The following ADAMTS19 variants were observed in gnomAD, a reference collection of about 807,000 sequenced individuals.
ADAMTS19 encodes A disintegrin and metalloproteinase with thrombospondin motifs 19.
Under a neutral mutation model 153.3 loss-of-function variants are expected in ADAMTS19, and 93 were observed. The ratio of observed to expected loss-of-function variants is 0.61; its 90% CI spans 0.51 to 0.72. The LOEUF (loss-of-function observed/expected upper bound fraction) is 0.72. Ranked by LOEUF, ADAMTS19 falls within the 30% of genes least tolerant of loss-of-function variation. The probability of loss-of-function intolerance (pLI) is 0.00; values close to 1 mark genes in which losing one functional copy is unlikely to be tolerated. For synonymous variants in ADAMTS19, 600 were observed against 556.6 expected (o/e 1.08, Z -1.10); for missense variants, 1,482 against 1,552.1 (o/e 0.95, Z 0.76).
intron 7 of ADAMTS19, among the ~76,000 whole-genome samples, chr5:129,592,503 T>C (rs1002752204): frequency 6.6e-6 from 1 of 152,174 alleles, no homozygotes. Context: ...ACGTGGGTTA[T>C]TGAACTGAAA....
rs968938801 is a variant in ADAMTS19, at chr5:129,527,819, C to A, written c.1158C>A (p.Leu386=). Residue 386 remains leucine (L), a synonymous_variant, in exon 5 of 23, where the codon CTC becomes CTA. Coordinates refer to ENST00000274487, the MANE Select transcript of ADAMTS19 (RefSeq NM_133638.6). The stretch of plus-strand genomic sequence containing the variant: ...TTCGTGTGATAAAGCTTATTCTGCT[C>A]CATGAAACTCCAGTAAGAAAGTCTT... The part of the protein sequence containing the change: ...VNLRVIKLIL[L]HETPPELYIG... 1.3e-6 allele frequency: 2 copies of A among 1,584,404 alleles called. No homozygotes were observed. Among genetic ancestry groups the A allele is most frequent in the African/African-American group, 1.3e-5 (1 of 74,236 alleles).
intron 9 of ADAMTS19, 22 bp downstream of exon 9, chr5:129,620,780 T>C (rs544936617): frequency 6.2e-7 from 1 of 1,608,584 alleles, no homozygotes; most frequent in African/African-American, 1.3e-5. Flanking sequence ...ACTTATTGTT[T>C]TTGCCTTGTG....
In ADAMTS19 at chr5:129,610,462, C is replaced by T. The variant is rs888077654; in HGVS notation, c.1479-10156C>T. ...CCCTCTACCCACCCCACAATAGTCC[C>T]CAGTGTGTGATGTTCCCCTTCCTGT... On this transcript the variant is annotated intron_variant, in intron 8 of 22. Coordinates refer to ENST00000274487, the MANE Select transcript of ADAMTS19 (RefSeq NM_133638.6). Among the ~76,000 whole-genome samples the T allele has an allele frequency of 3.9e-5, 6 of 152,120 alleles. No individual in the cohort carries two copies. The East Asian group carries it at 5.8e-4, about 15-fold the overall frequency.
At chr5:129,593,969 T>TATATATATATAATATATATATATA (rs1178078090) in intron 7 of ADAMTS19, among the ~76,000 whole-genome samples, 1 of 152,170 alleles carries the variant, frequency 6.6e-6, no homozygotes, top group Non-Finnish European at 1.5e-5. Flanking sequence ...TCAAATAATG[T>TATATATATATAATATATATATATA]TGCCTCCTTC....
At chr5:129,674,602 TTTAAC>T (rs1754473860) in intron 16 of ADAMTS19, among the ~76,000 whole-genome samples, 1 of 152,184 alleles carries the variant, frequency 6.6e-6, no homozygotes, top group South Asian at 2.1e-4. Flanking sequence ...AGTATGTATT[TTTAAC>T]TTATTACAGC....
chr5:129,596,243 T>C (rs535628812), intron 7 of ADAMTS19, among the ~76,000 whole-genome samples: 54 of 152,240 alleles, frequency 3.5e-4, no homozygotes, highest in Non-Finnish European at 6.3e-4. Context: ...TTCCAAGTTA[T>C]AACTATTCAT....
At chr5:129,733,454 A>G (rs192452983) in intron 21 of ADAMTS19, among the ~76,000 whole-genome samples, 1 of 151,720 alleles carries the variant, frequency 6.6e-6, no homozygotes, top group East Asian at 1.9e-4. Context: ...CAAACAACTC[A>G]ACAAACAAAA....
intron 7 of ADAMTS19, among the ~76,000 whole-genome samples, chr5:129,594,373 T>C (rs528545940): frequency 3.5e-4 from 53 of 152,234 alleles, no homozygotes; most frequent in African/African-American, 1.3e-3. Flanking sequence ...GTGGTGGGAC[T>C]GTTCTAGCTG....
At chr5:129,623,316 T>C (rs1446170158) in intron 10 of ADAMTS19, among the ~76,000 whole-genome samples, 2 of 151,946 alleles carry the variant, frequency 1.3e-5, no homozygotes, top group South Asian at 2.1e-4. Flanking sequence ...CTAGTAACCT[T>C]TTTTTTTCTT....
chr5:129,713,352 G>C (rs940050678), intron 21 of ADAMTS19, among the ~76,000 whole-genome samples: 2 of 152,180 alleles, frequency 1.3e-5, no homozygotes, highest in Non-Finnish European at 2.9e-5. Context: ...ACTATCCAGA[G>C]ATAGACATAA....
intron 15 of ADAMTS19, among the ~76,000 whole-genome samples, chr5:129,662,996 G>A (rs1205118278): frequency 6.8e-6 from 1 of 147,294 alleles, no homozygotes; most frequent in Non-Finnish European, 1.5e-5. Flanking sequence ...CCGGGTTCAA[G>A]CGGTTCTTCT....
At chr5:129,533,337 C>A (rs943235984) in intron 6 of ADAMTS19, among the ~76,000 whole-genome samples, 1 of 152,076 alleles carries the variant, frequency 6.6e-6, no homozygotes, top group Non-Finnish European at 1.5e-5. Context: ...ATTCACCAAT[C>A]TTCTCATTTA....
chr5:129,666,150 T>C (rs1163623511), intron 16 of ADAMTS19, among the ~76,000 whole-genome samples: 1 of 151,882 alleles, frequency 6.6e-6, no homozygotes. Flanking sequence ...AACTATTCCT[T>C]ATGAAAAGTA....
chr5:129,464,417 G>A (rs1749788892), intron 2 of ADAMTS19, among the ~76,000 whole-genome samples: 1 of 152,132 alleles, frequency 6.6e-6, no homozygotes, highest in African/African-American at 2.4e-5. Context: ...TTTCTTCTCA[G>A]GGAAAGCTTT....
chr5:129,557,491 T>C lies in ADAMTS19; in HGVS notation c.1372+5584T>C, dbSNP rs1387222003. On this transcript the variant is annotated intron_variant, in intron 7 of 22. Coordinates refer to ENST00000274487, the MANE Select transcript of ADAMTS19 (RefSeq NM_133638.6). ...GACACGCACCTGTAATCCCAGCTAC[T>C]TGGGAGGCTGAGGCAGGATGATCGC... Among the ~76,000 whole-genome samples, 4 of 151,992 alleles carry C rather than the reference T, an allele frequency of 2.6e-5. No individual in the cohort carries two copies. In the East Asian group the frequency reaches 7.7e-4, roughly 29 times the overall value.
At chr5:129,732,713 A>T (rs992609367) in intron 21 of ADAMTS19, among the ~76,000 whole-genome samples, 1 of 152,102 alleles carries the variant, frequency 6.6e-6, no homozygotes, top group Admixed American at 6.6e-5. Flanking sequence ...TATAAGAATC[A>T]ATATCATTAA....
At chr5:129,735,472 T>C (rs879713727) in intron 22 of ADAMTS19, among the ~76,000 whole-genome samples, 12 of 151,794 alleles carry the variant, frequency 7.9e-5, no homozygotes, top group Non-Finnish European at 1.5e-4. Flanking sequence ...CTTAGATTTC[T>C]CCATGGTTGA....
At chr5:129,691,703 T>C (rs1755345924) in intron 18 of ADAMTS19, among the ~76,000 whole-genome samples, 1 of 152,146 alleles carries the variant, frequency 6.6e-6, no homozygotes, top group Admixed American at 6.6e-5. Flanking sequence ...AGGAGTCCTT[T>C]CTTACAATGT....
Position 129,547,283 on chromosome 5 carries a change from T to TCTG in ADAMTS19, c.1329-4581_1329-4580insCTG, listed in dbSNP as rs1441285110. Among the ~76,000 whole-genome samples the TCTG allele has an allele frequency of 8.2e-3, 1,229 of 150,654 alleles. 92 individuals are homozygous for TCTG. Among genetic ancestry groups the TCTG allele is most frequent in the African/African-American group, 0.028 (1,120 of 40,120 alleles). ...AACCTGGGTAGCCTCTGGAAGCTAGTGAAGGCAAGGAAACATATTCTCATC... is the reference window on the plus strand; with the variant it reads ...AACCTGGGTAGCCTCTGGAAGCTAGTCTGGAAGGCAAGGAAACATATTCTCATC... On this transcript the variant is annotated intron_variant, in intron 6 of 22. Transcript: ENST00000274487.
Sources: allele counts gnomAD v4.1 joint callset (sites outside exome capture counted in the v4.1 genomes callset), GRCh38; gene constraint gnomAD v4.1.1; transcripts MANE v1.5; gene names NCBI Gene and HGNC (gene_info 2026-07-23, HGNC 2026-07-21).